Variants in TNS1 observed in about 807,000 individuals in gnomAD.
TNS1 encodes tensin 1.
TNS1 carries 62 observed loss-of-function variants against 168.6 expected under a neutral mutation model. The observed-to-expected ratio is 0.37, with a 90% confidence interval of 0.30 to 0.45. The LOEUF is 0.45. TNS1 is among the 20% of genes least tolerant of loss of function. TNS1 has a pLI of 1.00. For synonymous variants in TNS1, 934 were observed against 933.2 expected (o/e 1.00, Z -0.02); for missense variants, 2,240 against 2,339.4 (o/e 0.96, Z 0.88).
intron 6 of TNS1, chr2:217,905,207 C>T (rs1559335008): frequency 7.5e-6 from 2 of 267,390 alleles, no homozygotes; most frequent in East Asian, 2.3e-4. Flanking sequence ...TTAGGTTCCC[C>T]CTGCACCCCA....
At chr2:217,860,048 A>C (rs1485770882) in intron 18 of TNS1, among the ~76,000 whole-genome samples, 3 of 152,152 alleles carry the variant, frequency 2.0e-5, no homozygotes, top group African/African-American at 4.8e-5. Flanking sequence ...GTTAGTTTGC[A>C]ACCCCAAAAT....
At chr2:217,838,005 A>G (rs1054992906) in intron 19 of TNS1, among the ~76,000 whole-genome samples, 2 of 152,268 alleles carry the variant, frequency 1.3e-5, no homozygotes, top group East Asian at 1.9e-4. Flanking sequence ...CAAAAACATT[A>G]GAGAGAAACA....
At chr2:217,958,154 A>G (rs1957410733) in intron 3 of TNS1, among the ~76,000 whole-genome samples, 1 of 152,230 alleles carries the variant, frequency 6.6e-6, no homozygotes, top group Admixed American at 6.5e-5. Context: ...AACATATCGT[A>G]GACCAAGACC....
At chr2:217,858,254 C>T (rs1948398364) in intron 18 of TNS1, among the ~76,000 whole-genome samples, 1 of 152,104 alleles carries the variant, frequency 6.6e-6, no homozygotes, top group African/African-American at 2.4e-5. Flanking sequence ...AGCTATGGCT[C>T]TTACGTGTCC....
Position 217,804,377 on chromosome 2 carries a change from G to A in TNS1, c.*82C>T. On this transcript the variant is annotated 3_prime_UTR_variant, in exon 33 of 33. Coordinates refer to ENST00000682258, the MANE Select transcript of TNS1 (RefSeq NM_001387777.1). ...AAATTGGCCCAAAGTCCTCCTTCTGGGTTCAAGAGTGGTCAGGATTCATGG... is the reference window on the plus strand; with the variant it reads ...AAATTGGCCCAAAGTCCTCCTTCTGAGTTCAAGAGTGGTCAGGATTCATGG... The A allele has an allele frequency of 6.5e-7, 1 of 1,542,814 alleles. No individual in the cohort carries two copies.
intron 3 of TNS1, among the ~76,000 whole-genome samples, chr2:217,927,375 A>G (rs1054051493): frequency 3.3e-5 from 5 of 152,212 alleles, no homozygotes; most frequent in African/African-American, 1.2e-4. Context: ...CGGTCTTTCT[A>G]GGCTTGACCA....
intron 10 of TNS1, 31 bp downstream of exon 10, chr2:217,893,400 GCACACACA>G (rs55877465): frequency 4.7e-4 from 680 of 1,462,238 alleles, no homozygotes; most frequent in Middle Eastern, 1.2e-3. Flanking sequence ...GTGCGCGCGC[GCACACACA>G]CACACACACA....
At chr2:217,942,259 C>T (rs558456363) in intron 3 of TNS1, among the ~76,000 whole-genome samples, 1 of 152,320 alleles carries the variant, frequency 6.6e-6, no homozygotes, top group African/African-American at 2.4e-5. Context: ...ACAGTGCTGG[C>T]TCCCAGCCCT....
chr2:217,813,545 C>T lies in TNS1; in HGVS notation c.4861+140G>A, dbSNP rs1271648211. ...TCCCAATCTCTGACCTCAACCATCA[C>T]CAAGCCCAAGACACCCTCTTCCGAA... is the stretch of plus-strand genomic sequence containing the variant. On this transcript the variant is annotated intron_variant, in intron 26 of 32. Transcript: ENST00000682258. The surrounding 1 kb of genome is among the most constrained non-coding windows in gnomAD (Gnocchi z 4.0). The T allele has an allele frequency of 7.6e-7, 1 of 1,323,398 alleles. No homozygotes were observed. The allele number at this position is 1,323,398 out of a possible 1,614,324, so 82.0% of individuals were successfully genotyped here.
Position 217,848,946 on chromosome 2 carries a change from G to A in TNS1, c.1571C>T (p.Thr524Met), listed in dbSNP as rs780609967. The change falls in exon 19 of 33, where the codon ACG becomes ATG. Residue 524 changes from threonine (T) to methionine (M), a missense_variant. Thr to Met is a moderately conservative substitution (Grantham distance 81, BLOSUM62 -1). Around this residue, in one of 2 missense-constraint regions of TNS1, gnomAD observed 2,131 missense variants for 2,171.2 expected, o/e 0.98. Transcript: ENST00000682258. ...GCCCGAGTCGCTGCTCACAGAAAGCGTGTGTTCCACGTGGTTGGGGGTGGC... is the reference window on the plus strand; with the variant it reads ...GCCCGAGTCGCTGCTCACAGAAAGCATGTGTTCCACGTGGTTGGGGGTGGC... Reference protein sequence around the residue: ...LSATPNHVEHTLSVSSDSGNS... With the variant: ...LSATPNHVEHMLSVSSDSGNS... 18 of 1,614,166 alleles carry A rather than the reference G, an allele frequency of 1.1e-5. No homozygotes were observed. The highest frequency in any genetic ancestry group is 1.6e-4 in the Middle Eastern group (1 of 6,062).
upstream of TNS1, among the ~76,000 whole-genome samples, chr2:218,004,382 AC>A (rs953221011): frequency 4.2e-4 from 64 of 151,378 alleles, no homozygotes; most frequent in African/African-American, 1.5e-3. Context: ...CCCCCCACTC[AC>A]CCAAGGCCAT....
At chr2:217,812,519 A>G in intron 27 of TNS1, 74 bp from the exon 28 acceptor site, 1 of 1,183,964 alleles carries the variant, frequency 8.4e-7, no homozygotes, top group South Asian at 1.4e-5. Context: ...CTCTACCCTT[A>G]CACCGATACA....
intron 18 of TNS1, among the ~76,000 whole-genome samples, chr2:217,870,605 C>A (rs1356304023): frequency 6.6e-6 from 1 of 152,146 alleles, no homozygotes; most frequent in Non-Finnish European, 1.5e-5. Context: ...TGACCCCTGC[C>A]TCGATCTGGA....
At chr2:217,958,030 A>ACACACACACACACACAC (rs1559387621) in intron 3 of TNS1, among the ~76,000 whole-genome samples, 3 of 100,612 alleles carry the variant, frequency 3.0e-5, no homozygotes, top group African/African-American at 1.8e-4. Context: ...CACACACACA[A>ACACACACACACACACAC]AAGGAGGAGC....
chr2:217,850,532 C>T, intron 18 of TNS1: 2 of 984,694 alleles, frequency 2.0e-6, no homozygotes, highest in Non-Finnish European at 2.4e-6. Flanking sequence ...CAGAGGAACT[C>T]AGTGATTTCA....
At chr2:218,005,098 T>C (rs1958647763), upstream of TNS1, among the ~76,000 whole-genome samples, 1 of 152,218 alleles carries the variant, frequency 6.6e-6, no homozygotes, top group South Asian at 2.1e-4. Context: ...GTTCAAGCCT[T>C]CAGCCAGCTA....
At chr2:217,898,412 C>A (rs946740700) in intron 7 of TNS1, among the ~76,000 whole-genome samples, 2 of 152,218 alleles carry the variant, frequency 1.3e-5, no homozygotes, top group Admixed American at 6.5e-5. Flanking sequence ...CTGCGCTGGG[C>A]GCTCTCCAGC....
At chr2:217,818,882 G>A (rs549777792) in intron 23 of TNS1, 123 bp from the exon 24 acceptor site, 35 of 752,970 alleles carry the variant, frequency 4.6e-5, no homozygotes, top group African/African-American at 2.3e-4. Context: ...CTGGCAGTGC[G>A]GAAGGACATC....
upstream of TNS1, among the ~76,000 whole-genome samples, chr2:218,010,875 G>A (rs1958700159): frequency 6.6e-6 from 1 of 152,102 alleles, no homozygotes; most frequent in South Asian, 2.1e-4. Flanking sequence ...CCTGTTCCAG[G>A]CGTGCACGTG....
Sources: allele counts gnomAD v4.1 joint callset (sites outside exome capture counted in the v4.1 genomes callset), GRCh38; gene constraint gnomAD v4.1.1; regional missense constraint gnomAD v4.1.1; non-coding constraint Gnocchi (gnomAD v3.1); transcripts MANE v1.5; gene names NCBI Gene and HGNC (gene_info 2026-07-23, HGNC 2026-07-21).